The following AMOT variants were observed in gnomAD, a reference collection of about 807,000 sequenced individuals.
AMOT encodes angiomotin.
AMOT carries 11 observed loss-of-function variants against 67.0 expected under a neutral mutation model. That is an observed-to-expected ratio of 0.16 (90% CI 0.10 to 0.27). The LOEUF (loss-of-function observed/expected upper bound fraction) is 0.27. Ranked by LOEUF, AMOT falls within the 10% of genes least tolerant of loss-of-function variation. The pLI is 1.00. For synonymous variants in AMOT, 326 were observed against 321.4 expected (o/e 1.01, Z -0.15); for missense variants, 753 against 852.0 (o/e 0.88, Z 1.45).
intron 1 of AMOT, among the ~76,000 whole-genome samples, chrX:112,833,067 C>T (rs188056755): frequency 1.8e-5 from 2 of 111,788 alleles, no homozygotes; most frequent in African/African-American, 6.5e-5. Context: ...AATCATATAA[C>T]CCAGCTAACT....
Position 112,775,534 on chromosome X carries a change from G to C in AMOT, c.*3033C>G, listed in dbSNP as rs1443144398. On this transcript the variant is annotated 3_prime_UTR_variant, in exon 14 of 14. Coordinates refer to ENST00000371959, the MANE Select transcript of AMOT (RefSeq NM_001113490.2). ...AAAAAGAGAACATGATGGGTCTCTG[G>C]GTATCTTTCCTATGGCAGATGATGG... 1 of 111,815 alleles carries C rather than the reference G, an allele frequency of 8.9e-6. No individual in the cohort carries two copies. The highest frequency in any genetic ancestry group is 1.9e-5 in the Non-Finnish European group (1 of 53,077). 9.2% of individuals were successfully genotyped at this position (111,815 alleles called of 1,213,427 possible). A position where few individuals can be genotyped will look rare whatever the true frequency, so the allele number is the denominator to read the frequency against.
rs887651271 is a variant in AMOT at position 112,815,380 on chromosome X, T to C, written c.1370A>G (p.Glu457Gly). The change falls in exon 5 of 14, where the codon GAG (glutamate) becomes GGG (glycine). Residue 457 changes from glutamate (E) to glycine (G), a missense_variant. Glu to Gly is a moderately conservative substitution (Grantham distance 98). This residue lies in a region of AMOT where 297 missense variants were observed against 284.3 expected (regional missense o/e 1.04). Transcript: ENST00000371959. Reference sequence around the variant, plus strand: ...CACCTTCTGCAGTCTTGCCACCTTCTCATAGCATCCTTCCAACTCTTGCCT... The same window carrying C: ...CACCTTCTGCAGTCTTGCCACCTTCCCATAGCATCCTTCCAACTCTTGCCT... ...NLRQELEGCY[E>G]KVARLQKVET... is the part of the protein sequence containing the mutation. 6 of 1,208,744 alleles carry C rather than the reference T, an allele frequency of 5.0e-6. No homozygotes were observed. In the African/African-American group the frequency reaches 7.0e-5, roughly 14 times the overall value.
chrX:112,802,378 C>G (rs773729197), intron 8 of AMOT, among the ~76,000 whole-genome samples: 1 of 112,490 alleles, frequency 8.9e-6, no homozygotes, highest in East Asian at 2.8e-4. Context: ...AAACAGCGCC[C>G]AGGAGCAAAT....
intron 12 of AMOT, chrX:112,780,513 C>T (rs1416175286): frequency 1.8e-5 from 4 of 225,779 alleles, no homozygotes; most frequent in Non-Finnish European, 3.2e-5. Flanking sequence ...ACAGAAATGC[C>T]GGAATTTTGA....
intron 2 of AMOT, among the ~76,000 whole-genome samples, 198 bp downstream of exon 2, chrX:112,832,096 T>G (rs1427857141): frequency 2.7e-5 from 3 of 111,130 alleles, no homozygotes; most frequent in African/African-American, 9.9e-5. Flanking sequence ...GACTGTAAGA[T>G]CTTAGAGGGC....
rs757831486 is a variant in AMOT at position 112,821,756 on chromosome X, T to C, written c.872+499A>G. Among the ~76,000 whole-genome samples, 2 of 112,409 alleles carry C rather than the reference T, an allele frequency of 1.8e-5. 1 individual carries two copies. Among genetic ancestry groups the C allele is most frequent in the South Asian group, 7.5e-4 (2 of 2,683 alleles). ...CCACCATAACATCTGGGTGTTTGTT[T>C]AGTCCAAAAGAATAATGGTAATTCT... On this transcript the variant is annotated intron_variant, in intron 4 of 13. Transcript: ENST00000371959.
At chrX:112,797,330 T>C (rs1933856171) in intron 8 of AMOT, among the ~76,000 whole-genome samples, 1 of 111,506 alleles carries the variant, frequency 9.0e-6, no homozygotes, top group Non-Finnish European at 1.9e-5. Context: ...GTTTAAGCTA[T>C]AATAACACCT....
Position 112,779,550 on chromosome X carries a change from A to G in AMOT, c.2604T>C (p.Arg868=). 1 of 1,211,275 alleles carries G rather than the reference A, an allele frequency of 8.3e-7. No homozygotes were observed. Among genetic ancestry groups the G allele is most frequent in the Non-Finnish European group, 1.1e-6 (1 of 895,454 alleles). Residue 868 remains arginine (R), a synonymous_variant, in exon 13 of 14, where the codon CGT becomes CGC. Coordinates refer to ENST00000371959, the MANE Select transcript of AMOT (RefSeq NM_001113490.2). ...CTGCAGTTTTGTTCGATTCCGTCCCACGTTCAGTTTGGGTACTGCAGTCTC... is the reference window on the plus strand; with the variant it reads ...CTGCAGTTTTGTTCGATTCCGTCCCGCGTTCAGTTTGGGTACTGCAGTCTC... ...GSRDCSTQTE[R]GTESNKTAAV... is the part of the protein sequence containing the mutation.
At chrX:112,819,069 G>C (rs950897417) in intron 4 of AMOT, among the ~76,000 whole-genome samples, 1 of 110,881 alleles carries the variant, frequency 9.0e-6, no homozygotes, top group Admixed American at 9.5e-5. Flanking sequence ...GGGGTAGGGT[G>C]GGGGGTACAC....
intron 1 of AMOT, among the ~76,000 whole-genome samples, chrX:112,837,440 T>TAC (rs1935157480): frequency 8.9e-6 from 1 of 112,441 alleles, no homozygotes; most frequent in Non-Finnish European, 1.9e-5. Flanking sequence ...AGCTAGTACT[T>TAC]ACAAAGAAAA....
chrX:112,791,937 C>A lies in AMOT; in HGVS notation c.1821G>T (p.Gln607His). ...CTGCCTGGAGCTGTACAAGGGCCTGCTGCATCTTCTCCACCTTGTCAACGT... is the reference window on the plus strand; with the variant it reads ...CTGCCTGGAGCTGTACAAGGGCCTGATGCATCTTCTCCACCTTGTCAACGT... ...QVYVDKVEKM[Q>H]QALVQLQAAC... is the part of the protein sequence containing the mutation. The change falls in exon 9 of 14, where the codon CAG (glutamine) becomes CAT (histidine). Residue 607 changes from glutamine to histidine, a missense_variant. Gln to His is a conservative substitution (Grantham distance 24). Transcript: ENST00000371959. 8.3e-7 allele frequency: 1 copy of A among 1,211,841 alleles called. No individual in the cohort carries two copies.
At chrX:112,813,893 G>A (rs377356606) in intron 5 of AMOT, among the ~76,000 whole-genome samples, 2 of 111,904 alleles carry the variant, frequency 1.8e-5, no homozygotes, top group African/African-American at 3.3e-5. Context: ...GGGAAAAGCC[G>A]GGAAGAAACA....
rs1932918473 is a variant in AMOT, at chrX:112,775,443, G to C, written c.*3124C>G. On this transcript the variant is annotated 3_prime_UTR_variant, in exon 14 of 14. Transcript: ENST00000371959. The stretch of plus-strand genomic sequence containing the variant: ...TGAGGGTTTAGGCTTGTCATAAAAA[G>C]TAGTTTGCACAATCAATCAGTTTGT... The C allele has an allele frequency of 8.9e-6, 1 of 112,331 alleles. No individual in the cohort carries two copies. Among genetic ancestry groups the C allele is most frequent in the Non-Finnish European group, 1.9e-5 (1 of 53,215 alleles). The allele number at this position is 112,331 out of a possible 1,213,427, so 9.3% of individuals were successfully genotyped here.
intron 8 of AMOT, among the ~76,000 whole-genome samples, chrX:112,801,310 C>T (rs1471550059): frequency 9.0e-6 from 1 of 111,121 alleles, no homozygotes; most frequent in Non-Finnish European, 1.9e-5. Flanking sequence ...AATGAGCCTC[C>T]ACTTCAATAG....
chrX:112,835,640 C>G (rs1935114323), intron 1 of AMOT, among the ~76,000 whole-genome samples: 1 of 106,594 alleles, frequency 9.4e-6, no homozygotes, highest in South Asian at 4.2e-4. Context: ...GGCTGGAGTG[C>G]AATGGCGTGA....
intron 8 of AMOT, among the ~76,000 whole-genome samples, chrX:112,793,830 C>G (rs1249907133): frequency 1.8e-5 from 2 of 111,699 alleles, no homozygotes; most frequent in East Asian, 5.7e-4. Context: ...AAGTTTAAAC[C>G]TTTCTTCCCC....
intron 8 of AMOT, among the ~76,000 whole-genome samples, chrX:112,797,774 C>A (rs1289238554): frequency 2.8e-5 from 3 of 106,009 alleles, no homozygotes; most frequent in Non-Finnish European, 5.8e-5. Flanking sequence ...GAGAGAGACT[C>A]TGTCAAAAAA....
chrX:112,820,779 T>C (rs1406205240), intron 4 of AMOT, among the ~76,000 whole-genome samples: 1 of 111,113 alleles, frequency 9.0e-6, no homozygotes, highest in Non-Finnish European at 1.9e-5. Context: ...CCTCCCTGGG[T>C]CTTCTGTTTC....
chrX:112,778,770 C>T (rs183804626), intron 13 of AMOT, 106 bp from the exon 14 acceptor site: 9,657 of 764,515 alleles, frequency 0.013, 60 homozygotes, highest in Non-Finnish European at 0.015. Flanking sequence ...CAAAGTGAGA[C>T]TTGCCTGCCA....
Sources: gnomAD v4.1 joint callset for allele counts (sites outside exome capture counted in the v4.1 genomes callset) on GRCh38, gnomAD v4.1.1 for gene constraint, gnomAD v4.1.1 regional missense constraint, MANE v1.5 for transcripts, NCBI Gene and HGNC (gene_info 2026-07-23, HGNC 2026-07-21) for gene names.